The following ARHGEF10L variants were observed in gnomAD, a reference collection of about 807,000 sequenced individuals.
ARHGEF10L encodes the protein Rho guanine nucleotide exchange factor 10 like, also known as rho guanine nucleotide exchange factor 10-like protein.
Under a neutral mutation model 141.2 loss-of-function variants are expected in ARHGEF10L, and 69 were observed. The ratio of observed to expected loss-of-function variants is 0.49; its 90% CI spans 0.40 to 0.60. ARHGEF10L has a LOEUF of 0.60. Among genes scored for constraint, ARHGEF10L ranks in the 20% least tolerant of loss-of-function variants. ARHGEF10L has a pLI of 0.00. For synonymous variants in ARHGEF10L, 711 were observed against 718.5 expected, an observed-to-expected ratio of 0.99 and a Z score of 0.17; for missense variants, 1,482 against 1,734.3, an observed-to-expected ratio of 0.85 and a Z score of 2.58.
chr1:17,636,571 G>A (rs1389743853), intron 18 of ARHGEF10L, among the ~76,000 whole-genome samples: 3 of 152,132 alleles, frequency 2.0e-5, no homozygotes, highest in African/African-American at 7.2e-5. Context: ...GTGCCACAGG[G>A]TGCCCTGTGG....
chr1:17,657,820 G>A (rs2062369350), intron 25 of ARHGEF10L, among the ~76,000 whole-genome samples: 1 of 152,216 alleles, frequency 6.6e-6, no homozygotes. Flanking sequence ...GGCTCCCACG[G>A]AACACTGTGA....
rs2060106549 is a variant in ARHGEF10L at position 17,621,513 on chromosome 1, A to G, written c.943-351A>G. ...CTCCCAAAGTGCTGGGATTACAAGC[A>G]TGAGCCACCTTGCCTGGCCTAGGAT... is the stretch of plus-strand genomic sequence containing the variant. On this transcript the variant is annotated intron_variant, in intron 10 of 28. Transcript: ENST00000361221. This position sits in a 1 kb window ranked among gnomAD's most constrained non-coding sequence, Gnocchi z 4.1. Among the ~76,000 whole-genome samples, 1 of 152,190 alleles carries G rather than the reference A, an allele frequency of 6.6e-6. No individual in the cohort carries two copies. The highest frequency in any genetic ancestry group is 1.5e-5 in the Non-Finnish European group (1 of 68,024).
At chr1:17,622,676 C>T (rs747021440) in intron 11 of ARHGEF10L, among the ~76,000 whole-genome samples, 7 of 152,134 alleles carry the variant, frequency 4.6e-5, no homozygotes, top group Admixed American at 2.0e-4. Context: ...GTGACCTTAC[C>T]GCTCGTGGGC....
At chr1:17,541,530 C>A (rs911184210) in intron 1 of ARHGEF10L, among the ~76,000 whole-genome samples, 3 of 152,148 alleles carry the variant, frequency 2.0e-5, no homozygotes, top group Non-Finnish European at 2.9e-5. Flanking sequence ...GGCCCAGGTA[C>A]CAGGTTAGTA....
At chr1:17,618,912 C>T (rs972628914) in intron 9 of ARHGEF10L, among the ~76,000 whole-genome samples, 4 of 152,214 alleles carry the variant, frequency 2.6e-5, no homozygotes, top group Non-Finnish European at 5.9e-5. Flanking sequence ...CTGTTCTTCT[C>T]GGGGCTTATT....
intron 16 of ARHGEF10L, 37 bp from the exon 17 acceptor site, chr1:17,634,511 A>G (rs1282009634): frequency 1.2e-6 from 2 of 1,614,002 alleles, no homozygotes; most frequent in East Asian, 2.2e-5. Flanking sequence ...CTCCATTGTA[A>G]TAACAATCTC....
At chr1:17,540,144 C>T in intron 1 of ARHGEF10L, among the ~76,000 whole-genome samples, 194 bp downstream of exon 1, 1 of 152,088 alleles carries the variant, frequency 6.6e-6, no homozygotes, top group Non-Finnish European at 1.5e-5. Context: ...CGTCTCCCCT[C>T]TGTGTGGGTC....
At chr1:17,668,857 T>G (rs1209880107) in intron 26 of ARHGEF10L, among the ~76,000 whole-genome samples, 6 of 152,334 alleles carry the variant, frequency 3.9e-5, no homozygotes, top group African/African-American at 1.4e-4. Flanking sequence ...CGGCTCCACC[T>G]TGGCGCTGGA....
intron 22 of ARHGEF10L, among the ~76,000 whole-genome samples, chr1:17,653,005 C>G (rs1286220060): frequency 6.6e-6 from 1 of 152,196 alleles, no homozygotes; most frequent in African/African-American, 2.4e-5. Context: ...TAGCCTTGCT[C>G]TGATGATGAA....
chr1:17,651,281 T>C (rs754804487), intron 22 of ARHGEF10L, among the ~76,000 whole-genome samples: 5 of 152,138 alleles, frequency 3.3e-5, no homozygotes, highest in Non-Finnish European at 7.4e-5. Flanking sequence ...ATTGGGGATG[T>C]GTTGGGGTGG....
At chr1:17,687,532 C>T in intron 26 of ARHGEF10L, 41 bp from the exon 27 acceptor site, 1 of 1,606,884 alleles carries the variant, frequency 6.2e-7, no homozygotes, top group South Asian at 1.1e-5. Context: ...GCTCAGCTGG[C>T]AGGCCCAGCC....
intron 26 of ARHGEF10L, 70 bp from the exon 27 acceptor site, chr1:17,687,503 G>C (rs1038315846): frequency 6.4e-7 from 1 of 1,555,198 alleles, no homozygotes; most frequent in African/African-American, 1.4e-5. Context: ...CTGGCCCAGG[G>C]GTGGGGGCTT....
At chr1:17,636,929 T>A (rs1277453431) in intron 18 of ARHGEF10L, among the ~76,000 whole-genome samples, 1 of 152,126 alleles carries the variant, frequency 6.6e-6, no homozygotes, top group Non-Finnish European at 1.5e-5. Context: ...CTGGTCCTCC[T>A]GGACCCTCCT....
At chr1:17,624,020 C>T (rs187366899) in intron 12 of ARHGEF10L, among the ~76,000 whole-genome samples, 5 of 152,256 alleles carry the variant, frequency 3.3e-5, no homozygotes, top group Middle Eastern at 3.4e-3. Context: ...AAGGGGCATT[C>T]GATTTCCTGA....
chr1:17,602,273 C>G lies in ARHGEF10L; in HGVS notation c.349+55C>G, dbSNP rs989037650. The G allele has an allele frequency of 4.6e-6, 7 of 1,528,204 alleles. No homozygotes were observed. The African/African-American group carries it at 9.6e-5, about 21-fold the overall frequency. 94.7% of individuals were successfully genotyped at this position (1,528,204 alleles called of 1,614,324 possible). ...CCCAGGTAGCAAGCTCCAGGATATT[C>G]TAGTCTTTCTAACCCAAGAGAGCTG... On this transcript the variant is annotated intron_variant, in intron 5 of 28. Coordinates refer to ENST00000361221, the MANE Select transcript of ARHGEF10L (RefSeq NM_018125.4).
intron 26 of ARHGEF10L, among the ~76,000 whole-genome samples, chr1:17,676,444 G>T (rs1240185651): frequency 6.7e-6 from 1 of 150,068 alleles, no homozygotes; most frequent in Admixed American, 6.6e-5. Flanking sequence ...GCAGGTGTGG[G>T]TGCAGGTGTG....
intron 26 of ARHGEF10L, among the ~76,000 whole-genome samples, chr1:17,674,053 T>G (rs2063490909): frequency 6.6e-6 from 1 of 152,204 alleles, no homozygotes; most frequent in Admixed American, 6.5e-5. Context: ...CGCACCATCC[T>G]CCCTCCAGAT....
At chr1:17,563,705 A>T (rs2077634473) in intron 1 of ARHGEF10L, among the ~76,000 whole-genome samples, 1 of 152,116 alleles carries the variant, frequency 6.6e-6, no homozygotes, top group South Asian at 2.1e-4. Flanking sequence ...CAGATGAATA[A>T]ACTGAGGCTT....
chr1:17,633,468 C>T (rs1571112274), intron 16 of ARHGEF10L, among the ~76,000 whole-genome samples: 1 of 152,226 alleles, frequency 6.6e-6, no homozygotes. Flanking sequence ...CTCAGCCTCC[C>T]GAGTAGCTGG....
Sources: allele counts gnomAD v4.1 joint callset (sites outside exome capture counted in the v4.1 genomes callset), GRCh38; gene constraint gnomAD v4.1.1; non-coding constraint Gnocchi (gnomAD v3.1); transcripts MANE v1.5; gene names NCBI Gene and HGNC (gene_info 2026-07-23, HGNC 2026-07-21).